CCDC12: variants seen among roughly 807,000 people sequenced by gnomAD.
CCDC12 encodes coiled-coil domain-containing protein 12.
In CCDC12, 28 loss-of-function variants were observed where a neutral mutation model predicts 25.7. The observed-to-expected ratio is 1.09, with a 90% CI of 0.81 to 1.50. The LOEUF is 1.50. CCDC12 is among the 40% of genes most tolerant of loss of function. The pLI, the probability that CCDC12 is intolerant of heterozygous loss-of-function variation, is 0.00. For missense variants in CCDC12, 198 were observed against 210.0 expected, an observed-to-expected ratio of 0.94 and a Z score of 0.35; for synonymous variants, 75 against 87.7, an observed-to-expected ratio of 0.86 and a Z score of 0.81.
chr3:46,963,179 G>C (rs2107183429), intron 1 of CCDC12, among the ~76,000 whole-genome samples: 1 of 152,314 alleles, frequency 6.6e-6, no homozygotes, highest in African/African-American at 2.4e-5. Context: ...GTGAGCACCT[G>C]AGAAGTGATT....
chr3:46,946,816 G>A (rs560723940), intron 1 of CCDC12, among the ~76,000 whole-genome samples: 5 of 152,322 alleles, frequency 3.3e-5, no homozygotes, highest in Admixed American at 6.5e-5. Context: ...CTGGGGGCGG[G>A]TGTGCCGAAG....
At chr3:46,941,777 A>G (rs1265762828) in intron 1 of CCDC12, among the ~76,000 whole-genome samples, 2 of 152,202 alleles carry the variant, frequency 1.3e-5, no homozygotes, top group Non-Finnish European at 2.9e-5. Flanking sequence ...AGACTGGGGA[A>G]AGAAGTTACC....
intron 1 of CCDC12, 101 bp from the exon 2 acceptor site, chr3:46,941,166 A>T: frequency 9.0e-7 from 1 of 1,116,356 alleles, no homozygotes; most frequent in South Asian, 1.2e-5. Context: ...GAAGGGGGGC[A>T]CCTGGCAGGG....
At chr3:46,975,540 T>C (rs960434110) in intron 1 of CCDC12, among the ~76,000 whole-genome samples, 8 of 135,798 alleles carry the variant, frequency 5.9e-5, no homozygotes, top group African/African-American at 2.5e-4. Context: ...TTTTTTTTTT[T>C]TTTTTTTTGA....
chr3:46,940,180 G>C (rs1181305219), intron 2 of CCDC12, among the ~76,000 whole-genome samples: 2 of 152,188 alleles, frequency 1.3e-5, no homozygotes, highest in Non-Finnish European at 2.9e-5. Flanking sequence ...GCACAGCTTT[G>C]CCTCGCTCAC....
chr3:46,956,790 T>C lies in CCDC12; in HGVS notation c.97-15725A>G, dbSNP rs139389314. 2.9e-4 allele frequency among the ~76,000 whole-genome samples: 44 copies of C among 151,684 alleles called. No homozygotes were observed. The East Asian group carries it at 8.6e-3, about 30-fold the overall frequency. ...GAGATTGCACCACTGCACTCCAGCC[T>C]GGTTGACAGAGTGAGTCCCTGTCAC... On this transcript the variant is annotated intron_variant, in intron 1 of 6. Transcript: ENST00000683445.
chr3:46,976,765 C>T (rs1244358623), upstream of CCDC12: 11 of 1,580,316 alleles, frequency 7.0e-6, no homozygotes, highest in Non-Finnish European at 9.5e-6. Context: ...TTTCTCCCGT[C>T]TTGCATCGCG....
At chr3:46,942,667 G>C (rs942666239) in intron 1 of CCDC12, among the ~76,000 whole-genome samples, 2 of 152,174 alleles carry the variant, frequency 1.3e-5, no homozygotes, top group African/African-American at 4.8e-5. Context: ...CCAGAGAAAG[G>C]CTTCTGTCAT....
At chr3:46,928,947 C>T (rs550865446) in intron 2 of CCDC12, among the ~76,000 whole-genome samples, 2 of 152,136 alleles carry the variant, frequency 1.3e-5, no homozygotes, top group South Asian at 4.2e-4. Context: ...GCTATGATCA[C>T]ACTCTGCACT....
chr3:46,966,376 G>A (rs192397282), intron 1 of CCDC12, among the ~76,000 whole-genome samples: 10 of 152,160 alleles, frequency 6.6e-5, no homozygotes, highest in Admixed American at 1.3e-4. Context: ...AGCCGGGCGC[G>A]GTGACACACA....
At chr3:46,981,719 C>T (rs1423537233), upstream of CCDC12, among the ~76,000 whole-genome samples, 1 of 152,154 alleles carries the variant, frequency 6.6e-6, no homozygotes, top group African/African-American at 2.4e-5. Context: ...GGGCTTAAAC[C>T]AGCTGGTGAG....
chr3:46,924,165 A>G (rs2032833779), intron 3 of CCDC12: 1 of 153,320 alleles, frequency 6.5e-6, no homozygotes, highest in African/African-American at 2.4e-5. Context: ...CCTCTGAGCA[A>G]TCTGACTAGG....
chr3:46,977,747 T>A (rs2035042154), upstream of CCDC12, among the ~76,000 whole-genome samples: 1 of 152,084 alleles, frequency 6.6e-6, no homozygotes, highest in South Asian at 2.1e-4. Flanking sequence ...AAGTTACCTT[T>A]CCCGGGGAAG....
chr3:46,941,211 C>T (rs973627784), intron 1 of CCDC12, 146 bp from the exon 2 acceptor site: 68 of 719,776 alleles, frequency 9.4e-5, no homozygotes, highest in Non-Finnish European at 1.5e-4. Context: ...ACAGGGTACA[C>T]GCCTGCTGCA....
chr3:46,980,736 G>C (rs1559574970), upstream of CCDC12, among the ~76,000 whole-genome samples: 1 of 152,048 alleles, frequency 6.6e-6, no homozygotes, highest in Non-Finnish European at 1.5e-5. Context: ...CTGAGAACCT[G>C]GTATCACTCA....
At chr3:46,960,010 G>C (rs555151447) in intron 1 of CCDC12, among the ~76,000 whole-genome samples, 1 of 152,100 alleles carries the variant, frequency 6.6e-6, no homozygotes, top group African/African-American at 2.4e-5. Context: ...TGGGTTGAGC[G>C]CTCTCCTCCA....
At chr3:46,963,773 G>C (rs1295028031) in intron 1 of CCDC12, among the ~76,000 whole-genome samples, 3 of 152,366 alleles carry the variant, frequency 2.0e-5, no homozygotes, top group East Asian at 1.9e-4. Flanking sequence ...TGGTGCCCAG[G>C]CTGGAGTGCA....
chr3:46,930,917 G>A (rs2033184062), intron 2 of CCDC12, among the ~76,000 whole-genome samples: 1 of 152,156 alleles, frequency 6.6e-6, no homozygotes, highest in Non-Finnish European at 1.5e-5. Flanking sequence ...CTGCATGTCT[G>A]TCTTTCACAG....
At chr3:46,941,335 G>C (rs1302163623) in intron 1 of CCDC12, among the ~76,000 whole-genome samples, 1 of 152,120 alleles carries the variant, frequency 6.6e-6, no homozygotes, top group East Asian at 1.9e-4. Flanking sequence ...GGCCGAGGTG[G>C]GCGGATCTCG....
Sources: gnomAD v4.1 joint callset for allele counts (sites outside exome capture counted in the v4.1 genomes callset) on GRCh38, gnomAD v4.1.1 for gene constraint, MANE v1.5 for transcripts, NCBI Gene and HGNC (gene_info 2026-07-23, HGNC 2026-07-21) for gene names.